ASTN1: variants seen among roughly 807,000 people sequenced by gnomAD.
The protein encoded by ASTN1 is astrotactin 1.
Under a neutral mutation model 140.7 loss-of-function variants are expected in ASTN1, and 41 were observed. The ratio of observed to expected loss-of-function variants is 0.29; its 90% CI spans 0.23 to 0.38. ASTN1 has a LOEUF of 0.38. ASTN1 is among the 10% of genes least tolerant of loss of function. ASTN1 has a pLI of 1.00. For missense variants in ASTN1, 1,479 were observed against 1,678.8 expected (o/e 0.88, Z 2.08); for synonymous variants, 640 against 652.2 (o/e 0.98, Z 0.29).
chr1:176,872,597 T>C (rs1668395053), intron 21 of ASTN1, among the ~76,000 whole-genome samples: 1 of 152,170 alleles, frequency 6.6e-6, no homozygotes, highest in South Asian at 2.1e-4. Context: ...GTCAGCCCCT[T>C]GCTCACAGTC....
At chr1:177,076,169 C>G (rs1484974671) in intron 1 of ASTN1, among the ~76,000 whole-genome samples, 2 of 150,338 alleles carry the variant, frequency 1.3e-5, no homozygotes, top group African/African-American at 4.9e-5. Context: ...GTCCCAGCTA[C>G]TCGGGAGGCT....
chr1:176,981,677 G>C (rs1438537905), intron 8 of ASTN1: 1 of 152,644 alleles, frequency 6.6e-6, no homozygotes, highest in Non-Finnish European at 1.5e-5. Context: ...TGTGGTGATT[G>C]ATTGGATGTG....
Position 176,979,887 on chromosome 1 carries a change from A to G in ASTN1, c.1524-14650T>C, listed in dbSNP as rs1321320273. Reference sequence around the variant, plus strand: ...AAGAGGAAGAGAGGGAGAGATTGCCAAATTGAGTCTAAACTTTCAAGGTAA... The same window carrying G: ...AAGAGGAAGAGAGGGAGAGATTGCCGAATTGAGTCTAAACTTTCAAGGTAA... On this transcript the variant is annotated intron_variant, in intron 8 of 22. Transcript: ENST00000361833. 3.3e-5 allele frequency among the ~76,000 whole-genome samples: 5 copies of G among 152,226 alleles called. No homozygotes were observed. The East Asian group carries it at 9.6e-4, about 29-fold the overall frequency.
intron 1 of ASTN1, among the ~76,000 whole-genome samples, chr1:177,149,244 A>T (rs1467067140): frequency 6.2e-5 from 6 of 97,072 alleles, no homozygotes; most frequent in African/African-American, 9.6e-5. Context: ...ATATATATAT[A>T]CTATATATAG....
At chr1:176,956,381 C>T (rs557969037) in intron 11 of ASTN1, among the ~76,000 whole-genome samples, 2 of 152,278 alleles carry the variant, frequency 1.3e-5, no homozygotes, top group East Asian at 1.9e-4. Context: ...GTACCAGGCA[C>T]ATATCCGTCT....
intron 8 of ASTN1, among the ~76,000 whole-genome samples, chr1:176,994,172 C>T (rs1674328990): frequency 6.8e-6 from 1 of 147,144 alleles, no homozygotes; most frequent in Admixed American, 6.8e-5. Context: ...CCTCTCCCTT[C>T]CTCCCTAACC....
chr1:176,886,611 A>C (rs1331523021), intron 18 of ASTN1, among the ~76,000 whole-genome samples: 3 of 152,220 alleles, frequency 2.0e-5, no homozygotes, highest in Non-Finnish European at 4.4e-5. Context: ...CAGAGAGAAG[A>C]CAGACTGTGG....
chr1:177,034,108 G>T (rs901664571), intron 2 of ASTN1, among the ~76,000 whole-genome samples: 10 of 152,034 alleles, frequency 6.6e-5, no homozygotes, highest in Non-Finnish European at 1.3e-4. Flanking sequence ...ATAAAGCTAG[G>T]TCAAGAGTAT....
intron 15 of ASTN1, 23 bp from the exon 16 acceptor site, chr1:176,934,363 G>A: frequency 6.3e-7 from 1 of 1,576,086 alleles, no homozygotes; most frequent in Non-Finnish European, 8.7e-7. Flanking sequence ...ATCACCCAAG[G>A]GTAAGAATGA....
intron 8 of ASTN1, among the ~76,000 whole-genome samples, chr1:177,002,680 CTT>C (rs1488311253): frequency 6.6e-6 from 1 of 151,958 alleles, no homozygotes; most frequent in East Asian, 1.9e-4. Flanking sequence ...AAGTTTAAAA[CTT>C]AGGAAAAATG....
chr1:176,905,148 A>G (rs1422050012), intron 16 of ASTN1, among the ~76,000 whole-genome samples: 1 of 152,170 alleles, frequency 6.6e-6, no homozygotes, highest in African/African-American at 2.4e-5. Flanking sequence ...AGGGCAGGGA[A>G]CACCTGGATA....
chr1:177,104,262 G>A (rs140311205), intron 1 of ASTN1, among the ~76,000 whole-genome samples: 2 of 152,192 alleles, frequency 1.3e-5, no homozygotes, highest in African/African-American at 2.4e-5. Flanking sequence ...TCAGCAAACA[G>A]AGCATACTCT....
chr1:177,149,652 ACT>A (rs1341012427), intron 1 of ASTN1, among the ~76,000 whole-genome samples: 4 of 85,522 alleles, frequency 4.7e-5, no homozygotes, highest in East Asian at 3.5e-4. Context: ...ATATATATAC[ACT>A]GTATATATAT....
In ASTN1 at chr1:177,030,834, C is replaced by A; in HGVS notation, c.984G>T (p.Gln328His). The A allele has an allele frequency of 6.2e-7, 1 of 1,614,152 alleles. No homozygotes were observed. Among genetic ancestry groups the A allele is most frequent in the Non-Finnish European group, 8.5e-7 (1 of 1,180,024 alleles). Residue 328 changes from glutamine to histidine, a missense_variant, in exon 4 of 23, where the codon CAG becomes CAT. Coordinates refer to ENST00000361833, the MANE Select transcript of ASTN1 (RefSeq NM_004319.3). ...TTGCTTTGTTGTTGATCCGCTTTCT[C>A]TGGCTGCTGGAGGTGTGAGAGAGAA... ...ATLLSHTSSS[Q>H]RKRINNKARA...
chr1:176,942,859 T>TATATATATAC (rs1557978139), intron 14 of ASTN1, among the ~76,000 whole-genome samples: 5 of 104,140 alleles, frequency 4.8e-5, no homozygotes, highest in Non-Finnish European at 1.0e-4. Flanking sequence ...TATATATATA[T>TATATATATAC]ATATATAGAT....
intron 5 of ASTN1, among the ~76,000 whole-genome samples, chr1:177,026,201 T>C (rs1676103363): frequency 6.6e-6 from 1 of 152,198 alleles, no homozygotes; most frequent in Non-Finnish European, 1.5e-5. Context: ...GGGTCCTCTG[T>C]CCTTGATAGA....
intron 16 of ASTN1, among the ~76,000 whole-genome samples, chr1:176,923,219 C>A (rs748052482): frequency 1.3e-5 from 2 of 152,226 alleles, no homozygotes; most frequent in Non-Finnish European, 2.9e-5. Context: ...TAAGTGGTTG[C>A]ATTCCCTTAT....
chr1:177,020,422 T>C (rs763140142), intron 7 of ASTN1, among the ~76,000 whole-genome samples: 14 of 152,178 alleles, frequency 9.2e-5, no homozygotes, highest in Non-Finnish European at 1.5e-4. Flanking sequence ...TGACATTCCT[T>C]GGCTCATGCC....
intron 17 of ASTN1, among the ~76,000 whole-genome samples, chr1:176,893,221 G>T (rs925853242): frequency 6.6e-6 from 1 of 152,124 alleles, no homozygotes; most frequent in African/African-American, 2.4e-5. Flanking sequence ...ACTGCTCCCA[G>T]GCAAGTGGCC....
Sources: gnomAD v4.1 joint callset for allele counts (sites outside exome capture counted in the v4.1 genomes callset) on GRCh38, gnomAD v4.1.1 for gene constraint, MANE v1.5 for transcripts, NCBI Gene and HGNC (gene_info 2026-07-23, HGNC 2026-07-21) for gene names.